FBN2: variants seen among roughly 807,000 people sequenced by gnomAD.
FBN2 encodes the protein fibrillin-2.
A neutral mutation model predicts 355.6 loss-of-function variants in FBN2; 105 were observed. The observed-to-expected ratio is 0.30, with a 90% confidence interval of 0.25 to 0.35. The LOEUF (loss-of-function observed/expected upper bound fraction) is 0.35, where lower values mean the gene tolerates loss of function less well. FBN2 is among the 10% of genes least tolerant of loss of function. The probability of loss-of-function intolerance (pLI) is 1.00; values close to 1 mark genes in which losing one functional copy is unlikely to be tolerated. For missense variants in FBN2, 3,280 were observed against 3,758.7 expected, an observed-to-expected ratio of 0.87 and a Z score of 3.33; for synonymous variants, 1,350 against 1,301.2, an observed-to-expected ratio of 1.04 and a Z score of -0.81.
At chr5:128,383,640 C>T (rs763947133) in intron 11 of FBN2, among the ~76,000 whole-genome samples, 20 of 151,894 alleles carry the variant, frequency 1.3e-4, no homozygotes, top group Non-Finnish European at 2.5e-4. Context: ...TTAAAATGGA[C>T]CAAGATTTGA....
intron 5 of FBN2, among the ~76,000 whole-genome samples, chr5:128,498,477 T>G (rs556662710): frequency 1.6e-4 from 24 of 152,296 alleles, no homozygotes; most frequent in African/African-American, 5.5e-4. Flanking sequence ...CCTGAAAAAA[T>G]GGACCTTGGT....
intron 15 of FBN2, among the ~76,000 whole-genome samples, chr5:128,370,884 T>A (rs1201223316): frequency 6.6e-6 from 1 of 152,176 alleles, no homozygotes; most frequent in Non-Finnish European, 1.5e-5. Context: ...GCATAACTTA[T>A]GTGTAGGTTT....
chr5:128,343,446 A>C (rs568275378), intron 25 of FBN2, among the ~76,000 whole-genome samples: 1 of 152,302 alleles, frequency 6.6e-6, no homozygotes, highest in African/African-American at 2.4e-5. Flanking sequence ...GAGGCACAGG[A>C]AAGAGCCAAG....
At chr5:128,475,768 C>T (rs1754993166) in intron 5 of FBN2, among the ~76,000 whole-genome samples, 1 of 152,060 alleles carries the variant, frequency 6.6e-6, no homozygotes, top group Admixed American at 6.5e-5. Flanking sequence ...AGTCTACCTA[C>T]AAAGGAGATT....
At chr5:128,407,028 C>T (rs6868664) in intron 8 of FBN2, among the ~76,000 whole-genome samples, 35,177 of 152,078 alleles carry the variant, frequency 0.23, 5,751 homozygotes, top group African/African-American at 0.46. Context: ...TTCAAAGACA[C>T]GACATGAGGC....
At chr5:128,519,468 T>C in intron 4 of FBN2, 100 bp from the exon 5 acceptor site, 2 of 687,126 alleles carry the variant, frequency 2.9e-6, no homozygotes, top group East Asian at 2.9e-5. Context: ...TGTTAAATTA[T>C]AGTACATTAT....
At chr5:128,474,321 T>C (rs912850288) in intron 5 of FBN2, among the ~76,000 whole-genome samples, 1 of 152,178 alleles carries the variant, frequency 6.6e-6, no homozygotes, top group African/African-American at 2.4e-5. Flanking sequence ...GCCAGAGATA[T>C]AAATGATTAA....
At chr5:128,414,446 C>T (rs1275267341) in intron 7 of FBN2, among the ~76,000 whole-genome samples, 1 of 152,138 alleles carries the variant, frequency 6.6e-6, no homozygotes, top group Non-Finnish European at 1.5e-5. Context: ...CATGTTGGGG[C>T]ATGTATCAGC....
chr5:128,359,200 T>G lies in FBN2; in HGVS notation c.2555-1805A>C, dbSNP rs191707983. On this transcript the variant is annotated intron_variant, in intron 19 of 64. Transcript: ENST00000262464. ...TACTCTCTTTATTATTAGTGCTATT[T>G]GTTATATATTTAAAATACTCTGAAA... is the stretch of plus-strand genomic sequence containing the variant. Among the ~76,000 whole-genome samples, 10 of 152,182 alleles carry G rather than the reference T, an allele frequency of 6.6e-5. No individual in the cohort carries two copies. The East Asian group carries it at 1.9e-3, about 29-fold the overall frequency.
chr5:128,455,205 T>C (rs568566328), intron 6 of FBN2, among the ~76,000 whole-genome samples: 1 of 152,306 alleles, frequency 6.6e-6, no homozygotes, highest in South Asian at 2.1e-4. Context: ...ATTTGTTATA[T>C]ATTTAAAGTT....
chr5:128,434,652 G>T (rs1252891085), intron 7 of FBN2, among the ~76,000 whole-genome samples: 4 of 150,534 alleles, frequency 2.7e-5, no homozygotes, highest in Non-Finnish European at 5.9e-5. Flanking sequence ...TCCTCATTTT[G>T]TCAAGAGAAT....
intron 5 of FBN2, among the ~76,000 whole-genome samples, chr5:128,490,824 C>A (rs1336447244): frequency 6.6e-6 from 1 of 152,084 alleles, no homozygotes; most frequent in Non-Finnish European, 1.5e-5. Context: ...AATACATGAA[C>A]AATAAATAGT....
intron 21 of FBN2, 142 bp downstream of exon 21, chr5:128,350,726 C>T (rs1751330102): frequency 1.1e-6 from 1 of 948,790 alleles, no homozygotes; most frequent in African/African-American, 1.6e-5. Flanking sequence ...AGGTAAAAAA[C>T]ATTAGCCAGG....
Position 128,332,989 on chromosome 5 carries a change from G to A in FBN2, c.4145C>T (p.Ala1382Val). 6.2e-7 allele frequency: 1 copy of A among 1,609,106 alleles called. No homozygotes were observed. Among genetic ancestry groups the A allele is most frequent in the Non-Finnish European group, 8.5e-7 (1 of 1,175,502 alleles). Reference sequence around the variant, plus strand: ...GCTTCCTGGGATATTCAGACATGAGGCATGCATGTCGCAGTTATGAGCACC... The same window carrying A: ...GCTTCCTGGGATATTCAGACATGAGACATGCATGTCGCAGTTATGAGCACC... ...EIGAHNCDMH[A>V]SCLNIPGSFK... Residue 1382 changes from alanine to valine, a missense_variant, in exon 32 of 65, where the codon GCC (alanine) becomes GTC (valine). Physicochemically the swap from Ala to Val is moderately conservative, Grantham distance 64. This residue lies in a region of FBN2 where 2,284 missense variants were observed against 2,749.5 expected (regional missense o/e 0.83). Transcript: ENST00000262464.
At chr5:128,342,731 A>ATT (rs144593563) in intron 25 of FBN2, among the ~76,000 whole-genome samples, 9 of 144,208 alleles carry the variant, frequency 6.2e-5, no homozygotes, top group Non-Finnish European at 9.2e-5. Context: ...GATAAAGGAG[A>ATT]TTTTTTTTTT....
chr5:128,323,817 G>C (rs942180219), intron 34 of FBN2, among the ~76,000 whole-genome samples: 8 of 152,160 alleles, frequency 5.3e-5, no homozygotes, highest in African/African-American at 1.7e-4. Context: ...AAATGAGTTA[G>C]GGAGGAGTCC....
At chr5:128,521,513 A>C (rs975221929) in intron 4 of FBN2, among the ~76,000 whole-genome samples, 1 of 152,238 alleles carries the variant, frequency 6.6e-6, no homozygotes, top group African/African-American at 2.4e-5. Context: ...CATGTATCCC[A>C]GAAATTAAAA....
intron 6 of FBN2, among the ~76,000 whole-genome samples, chr5:128,447,818 C>G (rs1486425912): frequency 6.6e-6 from 1 of 152,178 alleles, no homozygotes; most frequent in Non-Finnish European, 1.5e-5. Context: ...TAAAATTTCT[C>G]TCTTTTGTAC....
At chr5:128,286,894 A>G in intron 54 of FBN2, 45 bp from the exon 55 acceptor site, 1 of 1,588,100 alleles carries the variant, frequency 6.3e-7, no homozygotes, top group Non-Finnish European at 8.6e-7. Flanking sequence ...AGCAAGCTGT[A>G]GTTTAGTACT....
Sources: allele counts gnomAD v4.1 joint callset (sites outside exome capture counted in the v4.1 genomes callset), GRCh38; gene constraint gnomAD v4.1.1; regional missense constraint gnomAD v4.1.1; transcripts MANE v1.5; gene names NCBI Gene and HGNC (gene_info 2026-07-23, HGNC 2026-07-21).